SAMM50: variants seen among roughly 807,000 people sequenced by gnomAD.
SAMM50 encodes the protein sorting and assembly machinery component 50 homolog.
A neutral mutation model predicts 66.9 loss-of-function variants in SAMM50; 47 were observed. That is an observed-to-expected ratio of 0.70 (90% CI 0.56 to 0.90). The LOEUF is 0.90. SAMM50 is among the 40% of genes least tolerant of loss of function. The pLI is 0.00. For missense variants in SAMM50, 535 were observed against 595.3 expected (o/e 0.90, Z 1.05); for synonymous variants, 191 against 214.1 (o/e 0.89, Z 0.94).
chr22:43,956,966 C>A, intron 1 of SAMM50: 1 of 623,920 alleles, frequency 1.6e-6, no homozygotes, highest in Non-Finnish European at 2.8e-6. Flanking sequence ...GCAACCTGAG[C>A]TCTTCCTGCC....
At chr22:43,977,793 C>A in intron 9 of SAMM50, 79 bp from the exon 10 acceptor site, 2 of 971,994 alleles carry the variant, frequency 2.1e-6, no homozygotes, top group Non-Finnish European at 3.1e-6. Context: ...AAAATTAAAT[C>A]CTGATGCAAA....
chr22:43,956,380 T>C (rs943018473), intron 1 of SAMM50, among the ~76,000 whole-genome samples: 3 of 152,222 alleles, frequency 2.0e-5, no homozygotes, highest in Non-Finnish European at 4.4e-5. Flanking sequence ...ACGTTTTCAG[T>C]AGTTCCCCAT....
intron 10 of SAMM50, among the ~76,000 whole-genome samples, chr22:43,979,857 G>A (rs1569031837): frequency 6.6e-6 from 1 of 151,244 alleles, no homozygotes; most frequent in African/African-American, 2.4e-5. Context: ...TCAGGCACTC[G>A]TATTCACTCT....
In SAMM50 at chr22:43,964,591, C is replaced by G. The variant is rs1265145280; in HGVS notation, c.234+38C>G. On this transcript the variant is annotated intron_variant, in intron 3 of 14. Transcript: ENST00000350028. ...TCTACATGGTGTGCTTTCCCAGTCT[C>G]TTCTGAAGAACTCGTAAATGTCCCC... 4.4e-6 allele frequency: 5 copies of G among 1,132,088 alleles called. No homozygotes were observed. In the African/African-American group the frequency reaches 6.1e-5, roughly 14 times the overall value. The allele number at this position is 1,132,088 out of a possible 1,614,324, so 70.1% of individuals were successfully genotyped here.
chr22:43,987,808 C>T (rs1603420292), intron 12 of SAMM50: 1 of 151,566 alleles, frequency 6.6e-6, no homozygotes, highest in Non-Finnish European at 1.5e-5. Context: ...GTTTTTCAGG[C>T]ATAAAAACCC....
At chr22:43,961,448 G>A (rs1171439016) in intron 1 of SAMM50, among the ~76,000 whole-genome samples, 1 of 152,098 alleles carries the variant, frequency 6.6e-6, no homozygotes, top group Non-Finnish European at 1.5e-5. Flanking sequence ...GTATACATAA[G>A]TATATTTATT....
chr22:43,957,243 G>T, intron 1 of SAMM50: 2 of 662,138 alleles, frequency 3.0e-6, no homozygotes, highest in Non-Finnish European at 5.5e-6. Context: ...AGGTAACTCG[G>T]GCCCACAGAA....
intron 14 of SAMM50, among the ~76,000 whole-genome samples, 192 bp downstream of exon 14, chr22:43,990,598 G>A (rs2050318631): frequency 6.6e-6 from 1 of 152,198 alleles, no homozygotes; most frequent in Non-Finnish European, 1.5e-5. Flanking sequence ...AGGAGCAGGT[G>A]TGAAGCGTTC....
intron 4 of SAMM50, among the ~76,000 whole-genome samples, chr22:43,970,496 A>C (rs898517576): frequency 2.0e-5 from 3 of 152,170 alleles, no homozygotes; most frequent in Non-Finnish European, 4.4e-5. Context: ...CACCTGTCCT[A>C]GGTGTTGTAC....
At position 43,963,338 on chromosome 22, in the gene SAMM50, A is replaced by C; in HGVS notation, c.74A>C (p.Glu25Ala). 1.9e-6 allele frequency: 3 copies of C among 1,613,346 alleles called. No individual in the cohort carries two copies. Among genetic ancestry groups the C allele is most frequent in the Non-Finnish European group, 1.7e-6 (2 of 1,179,858 alleles). ...CCTGATTTTGGAGGATTAGGAGAAG[A>C]AGCTGAATTTGTTGAAGTTGAGCCT... ...SGPDFGGLGE[E>A]AEFVEVEPEA... The change falls in exon 2 of 15, where the codon GAA (glutamate) becomes GCA (alanine). Residue 25 changes from glutamate to alanine, a missense_variant. Transcript: ENST00000350028.
intron 3 of SAMM50, among the ~76,000 whole-genome samples, chr22:43,965,836 A>AT (rs1231933475): frequency 1.3e-5 from 2 of 151,096 alleles, no homozygotes; most frequent in Admixed American, 6.6e-5. Context: ...ACTTTTTTAA[A>AT]TTTTTTTTTC....
At chr22:43,970,324 C>T (rs898548653) in intron 4 of SAMM50, among the ~76,000 whole-genome samples, 4 of 152,092 alleles carry the variant, frequency 2.6e-5, no homozygotes, top group African/African-American at 4.8e-5. Context: ...TGTGGTGCTT[C>T]GTTCCCTGAA....
In SAMM50 at chr22:43,967,138, A is replaced by G. The variant is rs141157782; in HGVS notation, c.235-1593A>G. Among the ~76,000 whole-genome samples, 240 of 152,316 alleles carry G rather than the reference A, an allele frequency of 1.6e-3. 2 individuals are homozygous for G. Among genetic ancestry groups the G allele is most frequent in the African/African-American group, 5.5e-3 (230 of 41,570 alleles). On this transcript the variant is annotated intron_variant, in intron 3 of 14. Transcript: ENST00000350028. ...CATCCTTAAGTGTTGCTTTTCCACA[A>G]GGATCAGTCTCCTGGGTCATCTCAT...
intron 1 of SAMM50, among the ~76,000 whole-genome samples, chr22:43,960,288 GA>G: frequency 6.6e-6 from 1 of 152,232 alleles, no homozygotes; most frequent in African/African-American, 2.4e-5. Context: ...TACCCACAAG[GA>G]CCCGGTCTTG....
At chr22:43,984,964 A>C (rs1022285328) in intron 12 of SAMM50, among the ~76,000 whole-genome samples, 2 of 151,588 alleles carry the variant, frequency 1.3e-5, no homozygotes, top group Non-Finnish European at 2.9e-5. Flanking sequence ...TTCTCTCATC[A>C]CCTCCCATAA....
chr22:43,996,079 G>A, intron 14 of SAMM50: 1 of 585,794 alleles, frequency 1.7e-6, no homozygotes, highest in Non-Finnish European at 3.1e-6. Context: ...GGTGAGGAGG[G>A]AGTAGTGCAG....
intron 1 of SAMM50, among the ~76,000 whole-genome samples, chr22:43,959,362 A>G (rs547319537): frequency 6.6e-6 from 1 of 152,254 alleles, no homozygotes; most frequent in East Asian, 1.9e-4. Context: ...CTCACTTTAA[A>G]GATGCTGTTC....
chr22:43,976,669 G>A, intron 8 of SAMM50, 81 bp from the exon 9 acceptor site: 1 of 979,382 alleles, frequency 1.0e-6, no homozygotes, highest in Non-Finnish European at 1.6e-6. Context: ...CTAGCGTGGT[G>A]TGGCCCACGT....
intron 1 of SAMM50, among the ~76,000 whole-genome samples, chr22:43,956,770 G>A (rs906161559): frequency 1.3e-5 from 2 of 152,198 alleles, no homozygotes; most frequent in African/African-American, 4.8e-5. Flanking sequence ...CCGTTCCTCT[G>A]TTGCGGGGAG....
Sources: allele counts gnomAD v4.1 joint callset (sites outside exome capture counted in the v4.1 genomes callset), GRCh38; gene constraint gnomAD v4.1.1; transcripts MANE v1.5; gene names NCBI Gene and HGNC (gene_info 2026-07-23, HGNC 2026-07-21).